DNAJC1: variants seen among roughly 807,000 people sequenced by gnomAD.
The protein encoded by DNAJC1 is dnaJ homolog subfamily C member 1.
DNAJC1 carries 58 observed loss-of-function variants against 76.6 expected under a neutral mutation model. The ratio of observed to expected loss-of-function variants is 0.76; its 90% CI spans 0.61 to 0.94. The LOEUF is 0.94. DNAJC1 is among the 40% of genes least tolerant of loss of function. DNAJC1 has a pLI of 0.00. For synonymous variants in DNAJC1, 258 were observed against 267.9 expected (o/e 0.96, Z 0.36); for missense variants, 689 against 677.3 (o/e 1.02, Z -0.19).
intron 8 of DNAJC1, among the ~76,000 whole-genome samples, chr10:21,875,678 C>T (rs1393618817): frequency 6.6e-6 from 1 of 152,134 alleles, no homozygotes; most frequent in East Asian, 1.9e-4. Flanking sequence ...GTAATCCCAA[C>T]AGTTTGGGAG....
chr10:21,968,359 G>A (rs549419442), intron 1 of DNAJC1, among the ~76,000 whole-genome samples: 54 of 152,030 alleles, frequency 3.6e-4, no homozygotes, highest in Non-Finnish European at 7.6e-4. Context: ...TTATCTCATA[G>A]GTGAGAAAAC....
chr10:21,878,553 T>C (rs1296331664), intron 8 of DNAJC1, among the ~76,000 whole-genome samples: 1 of 152,216 alleles, frequency 6.6e-6, no homozygotes, highest in East Asian at 1.9e-4. Flanking sequence ...TATTTTATGG[T>C]AGTAAATGAT....
intron 1 of DNAJC1, among the ~76,000 whole-genome samples, chr10:21,972,293 A>T (rs1207377575): frequency 3.9e-5 from 6 of 152,018 alleles, no homozygotes; most frequent in Non-Finnish European, 2.9e-5. Context: ...GCAAACCAGC[A>T]TGAGTCCACA....
intron 8 of DNAJC1, among the ~76,000 whole-genome samples, chr10:21,833,914 C>G (rs1835403482): frequency 6.6e-6 from 1 of 152,066 alleles, no homozygotes; most frequent in African/African-American, 2.4e-5. Context: ...TACTAGAAAT[C>G]AGACAGGGGA....
chr10:21,960,170 T>A (rs1420013349), intron 1 of DNAJC1, among the ~76,000 whole-genome samples: 1 of 152,188 alleles, frequency 6.6e-6, no homozygotes, highest in Non-Finnish European at 1.5e-5. Flanking sequence ...AAGCCTCCAA[T>A]GGTTTTCCAT....
chr10:21,771,258 T>C (rs543565158), intron 9 of DNAJC1, among the ~76,000 whole-genome samples: 1 of 152,350 alleles, frequency 6.6e-6, no homozygotes, highest in Non-Finnish European at 1.5e-5. Context: ...TTTACTTCTT[T>C]TTTTCCATCT....
At chr10:21,845,709 TA>T (rs1835647250) in intron 8 of DNAJC1, among the ~76,000 whole-genome samples, 1 of 152,152 alleles carries the variant, frequency 6.6e-6, no homozygotes, top group Non-Finnish European at 1.5e-5. Flanking sequence ...TTAATTCAAT[TA>T]TTTTTTTATT....
intron 1 of DNAJC1, among the ~76,000 whole-genome samples, chr10:21,931,865 T>A (rs1366415893): frequency 6.6e-6 from 1 of 152,202 alleles, no homozygotes; most frequent in African/African-American, 2.4e-5. Flanking sequence ...GAAGTGGCTA[T>A]CTTTAACTCT....
chr10:21,952,669 G>A (rs1242716218), intron 1 of DNAJC1, among the ~76,000 whole-genome samples: 3 of 151,040 alleles, frequency 2.0e-5, no homozygotes, highest in African/African-American at 5.0e-5. Flanking sequence ...TGAGGTGGGA[G>A]AATCACTTGA....
intron 8 of DNAJC1, among the ~76,000 whole-genome samples, chr10:21,834,264 A>T (rs555845380): frequency 6.8e-6 from 1 of 147,956 alleles, no homozygotes; most frequent in Admixed American, 6.7e-5. Context: ...ACTCCATCTC[A>T]AAAAAAAATA....
chr10:21,818,829 C>T (rs1036583489), intron 8 of DNAJC1, among the ~76,000 whole-genome samples: 1 of 152,150 alleles, frequency 6.6e-6, no homozygotes, highest in Non-Finnish European at 1.5e-5. Flanking sequence ...GCTAGAAAAT[C>T]TCTGTGCAGT....
chr10:21,814,450 A>C (rs1005696616), intron 8 of DNAJC1, among the ~76,000 whole-genome samples: 4 of 152,208 alleles, frequency 2.6e-5, no homozygotes, highest in African/African-American at 7.2e-5. Context: ...ACACACTCAT[A>C]ATGAGCATGA....
At chr10:21,771,453 C>G (rs1834376236) in intron 9 of DNAJC1, among the ~76,000 whole-genome samples, 2 of 151,482 alleles carry the variant, frequency 1.3e-5, no homozygotes, top group South Asian at 4.2e-4. Flanking sequence ...TTTTTTATTC[C>G]TAGTCTGCTG....
At chr10:21,928,052 TGA>T (rs1356448542) in intron 3 of DNAJC1, among the ~76,000 whole-genome samples, 2 of 152,218 alleles carry the variant, frequency 1.3e-5, no homozygotes, top group Non-Finnish European at 2.9e-5. Flanking sequence ...TGGGTTATTC[TGA>T]GAGTGAGGAA....
chr10:21,788,725 C>T (rs981840677), intron 9 of DNAJC1, among the ~76,000 whole-genome samples: 2 of 152,144 alleles, frequency 1.3e-5, no homozygotes, highest in Non-Finnish European at 2.9e-5. Flanking sequence ...CATCCAGCGT[C>T]CTGAGTTGTC....
At chr10:21,810,894 T>C (rs1439133434) in intron 8 of DNAJC1, among the ~76,000 whole-genome samples, 1 of 152,206 alleles carries the variant, frequency 6.6e-6, no homozygotes, top group Non-Finnish European at 1.5e-5. Flanking sequence ...ATTTTGGTAT[T>C]ATAGATTTGG....
At chr10:21,881,595 T>C (rs541358912) in intron 8 of DNAJC1, among the ~76,000 whole-genome samples, 1 of 152,084 alleles carries the variant, frequency 6.6e-6, no homozygotes, top group East Asian at 1.9e-4. Context: ...AGCCAGAATA[T>C]ACATAATATT....
rs1358505592 is a variant in DNAJC1, at chr10:22,003,245, G to C, written c.190C>G (p.Leu64Val). The change falls in exon 1 of 12, where the codon CTC becomes GTC. Residue 64 changes from leucine (L) to valine (V), a missense_variant. Leu to Val is a conservative substitution (Grantham distance 32). Coordinates refer to ENST00000376980, the MANE Select transcript of DNAJC1 (RefSeq NM_022365.4). Reference protein sequence around the residue: ...ELFDLVEEVQLNFYQFLGVQQ... With the variant: ...ELFDLVEEVQVNFYQFLGVQQ... ...ACCCCGAGGAACTGGTAGAAGTTGA[G>C]CTGCACCTCCTCCACTAAGTCAAAC... 1 of 1,570,902 alleles carries C rather than the reference G, an allele frequency of 6.4e-7. No individual in the cohort carries two copies. Among genetic ancestry groups the C allele is most frequent in the Non-Finnish European group, 8.6e-7 (1 of 1,160,778 alleles).
chr10:21,887,417 C>T lies in DNAJC1; in HGVS notation c.821-4978G>A, dbSNP rs11012816. Among the ~76,000 whole-genome samples the T allele has an allele frequency of 6.1e-3, 932 of 152,138 alleles. 14 individuals carry two copies. The highest frequency in any genetic ancestry group is 0.021 in the African/African-American group (875 of 41,500). On this transcript the variant is annotated intron_variant, in intron 7 of 11. Coordinates refer to ENST00000376980, the MANE Select transcript of DNAJC1 (RefSeq NM_022365.4). ...AAAATTCATATGAAATGAAAAAGAG[C>T]CTGAATAGCCAAGACAATCCTAAGC...
Sources: gnomAD v4.1 joint callset for allele counts (sites outside exome capture counted in the v4.1 genomes callset) on GRCh38, gnomAD v4.1.1 for gene constraint, MANE v1.5 for transcripts, NCBI Gene and HGNC (gene_info 2026-07-23, HGNC 2026-07-21) for gene names.